AGAP1: variants seen among roughly 807,000 people sequenced by gnomAD.
AGAP1 encodes the protein ArfGAP with GTPase domain, ankyrin repeat and PH domain 1.
In AGAP1, 29 loss-of-function variants were observed where a neutral mutation model predicts 105.3. The ratio of observed to expected loss-of-function variants is 0.28; its 90% confidence interval spans 0.21 to 0.38. The LOEUF (loss-of-function observed/expected upper bound fraction) is 0.38, where lower values mean the gene tolerates loss of function less well. AGAP1 is among the 10% of genes least tolerant of loss of function. The probability of loss-of-function intolerance (pLI) is 1.00; values close to 1 mark genes in which losing one functional copy is unlikely to be tolerated. For missense variants in AGAP1, 998 were observed against 1,165.1 expected, an observed-to-expected ratio of 0.86 and a Z score of 2.09; for synonymous variants, 509 against 485.9, an observed-to-expected ratio of 1.05 and a Z score of -0.63.
chr2:236,118,472 C>T (rs530801199), intron 16 of AGAP1, among the ~76,000 whole-genome samples: 3 of 151,108 alleles, frequency 2.0e-5, no homozygotes, highest in Admixed American at 2.0e-4. Flanking sequence ...TCACTGCAAC[C>T]TCTGCCTCCC....
At chr2:235,886,408 G>C (rs942249347) in intron 10 of AGAP1, among the ~76,000 whole-genome samples, 2 of 152,244 alleles carry the variant, frequency 1.3e-5, no homozygotes, top group African/African-American at 4.8e-5. Flanking sequence ...ACAACGATAT[G>C]TATCAGAAGA....
intron 1 of AGAP1, among the ~76,000 whole-genome samples, chr2:235,572,005 T>TACACACACACACAC (rs1559257500): frequency 8.0e-5 from 6 of 75,262 alleles, no homozygotes; most frequent in African/African-American, 3.4e-4. Context: ...CACACACACT[T>TACACACACACACAC]TTTTTTTTTT....
intron 11 of AGAP1, among the ~76,000 whole-genome samples, chr2:235,922,981 A>T (rs1159111857): frequency 6.6e-6 from 1 of 152,220 alleles, no homozygotes; most frequent in Non-Finnish European, 1.5e-5. Context: ...AAGGCAGCTC[A>T]GTAAGCACAC....
chr2:235,717,212 A>G (rs935190213), intron 2 of AGAP1, among the ~76,000 whole-genome samples: 2 of 152,086 alleles, frequency 1.3e-5, no homozygotes, highest in Admixed American at 1.3e-4. Flanking sequence ...TGCTTTTCCC[A>G]GTCTCTGGAG....
chr2:235,498,739 C>T (rs182981553), intron 1 of AGAP1, among the ~76,000 whole-genome samples: 10 of 152,340 alleles, frequency 6.6e-5, no homozygotes, highest in Non-Finnish European at 1.3e-4. Context: ...CAGGTTCCCA[C>T]GCATCGCCGG....
chr2:235,751,725 C>G lies in AGAP1; in HGVS notation c.673+1237C>G, dbSNP rs1050833043. Among the ~76,000 whole-genome samples, 3 of 152,240 alleles carry G rather than the reference C, an allele frequency of 2.0e-5. No homozygotes were observed. The highest frequency in any genetic ancestry group is 7.2e-5 in the African/African-American group (3 of 41,464). On this transcript the variant is annotated intron_variant, in intron 6 of 17. Transcript: ENST00000304032. This position sits in a 1 kb window ranked among gnomAD's most constrained non-coding sequence, Gnocchi z 5.3. ...TCTAAGCCTGCCGTCTCTTCCCGCG[C>G]ATCTCTGCCTCTCAGATACTTACCT...
intron 9 of AGAP1, among the ~76,000 whole-genome samples, chr2:235,853,419 G>C (rs1339493737): frequency 1.3e-5 from 2 of 152,198 alleles, no homozygotes; most frequent in Non-Finnish European, 2.9e-5. Context: ...TTAACCCCCA[G>C]GCAGGTACAG....
chr2:235,761,229 C>G (rs1954411704), intron 6 of AGAP1, among the ~76,000 whole-genome samples: 1 of 152,170 alleles, frequency 6.6e-6, no homozygotes, highest in Non-Finnish European at 1.5e-5. Context: ...AGCCTGTGAT[C>G]TCTTCTGGCA....
intron 16 of AGAP1, among the ~76,000 whole-genome samples, chr2:236,118,334 A>G (rs540534688): frequency 2.7e-5 from 4 of 149,344 alleles, no homozygotes; most frequent in South Asian, 2.1e-4. Flanking sequence ...TAAAGTCTCT[A>G]TGGGTAACTG....
intron 6 of AGAP1, among the ~76,000 whole-genome samples, chr2:235,766,960 C>G (rs1955010486): frequency 7.1e-6 from 1 of 140,698 alleles, no homozygotes; most frequent in Admixed American, 7.9e-5. Context: ...TTTGCCCAGG[C>G]TGGAGTTCAG....
chr2:235,538,288 G>C (rs1301957883), intron 1 of AGAP1, among the ~76,000 whole-genome samples: 1 of 152,166 alleles, frequency 6.6e-6, no homozygotes, highest in Non-Finnish European at 1.5e-5. Context: ...TTGTGTCTGT[G>C]GGGCTGCTGA....
At chr2:235,670,907 G>C in intron 1 of AGAP1, 1 of 1,342,340 alleles carries the variant, frequency 7.4e-7, no homozygotes, top group Non-Finnish European at 9.5e-7. Context: ...CTTCTTCAGC[G>C]GCATCTTCGC....
At chr2:235,809,278 T>TA (rs1429516561) in intron 9 of AGAP1, among the ~76,000 whole-genome samples, 2 of 152,126 alleles carry the variant, frequency 1.3e-5, no homozygotes, top group African/African-American at 4.8e-5. Flanking sequence ...CCATCAAGCG[T>TA]AAAATGAGTA....
rs563919358 is a variant in AGAP1, at chr2:236,079,247, C to T, written c.2114+29966C>T. On this transcript the variant is annotated intron_variant, in intron 16 of 17. Coordinates refer to ENST00000304032, the MANE Select transcript of AGAP1 (RefSeq NM_001037131.3). ...TACTGTGACCCATGCTGGCCAGGCA[C>T]GGTGGCTTACACCTGTAATCCCAGC... 2.5e-4 allele frequency among the ~76,000 whole-genome samples: 37 copies of T among 145,910 alleles called. 2 individuals are homozygous for T. The South Asian group carries it at 4.6e-3, about 18-fold the overall frequency.
At chr2:235,812,749 T>G (rs913441995) in intron 9 of AGAP1, among the ~76,000 whole-genome samples, 1 of 152,220 alleles carries the variant, frequency 6.6e-6, no homozygotes, top group African/African-American at 2.4e-5. Context: ...GCGGCCTCTC[T>G]GCGTAGGCAG....
chr2:235,917,185 G>C (rs1176714192), intron 11 of AGAP1, among the ~76,000 whole-genome samples: 1 of 151,842 alleles, frequency 6.6e-6, no homozygotes, highest in African/African-American at 2.4e-5. Flanking sequence ...CCCTACTTGA[G>C]GCCCCCAGCG....
chr2:236,114,505 G>A lies in AGAP1; in HGVS notation c.2115-5687G>A, dbSNP rs36061101. Among the ~76,000 whole-genome samples the A allele has an allele frequency of 0.095, 14,475 of 152,216 alleles. 767 individuals carry two copies. The highest frequency in any genetic ancestry group is 0.17 in the Middle Eastern group (51 of 294). Reference sequence around the variant, plus strand: ...TATTACACTTGGGTGGCTTAAGTGCGGGACATTCACGTCTCACAGTTCTGG... The same window carrying A: ...TATTACACTTGGGTGGCTTAAGTGCAGGACATTCACGTCTCACAGTTCTGG... On this transcript the variant is annotated intron_variant, in intron 16 of 17. Transcript: ENST00000304032. The surrounding 1 kb of genome is among the most constrained non-coding windows in gnomAD (Gnocchi z 5.0).
Position 235,714,422 on chromosome 2 carries a change from C to G in AGAP1, c.223-3135C>G, listed in dbSNP as rs1226424910. Among the ~76,000 whole-genome samples, 1 of 151,954 alleles carries G rather than the reference C, an allele frequency of 6.6e-6. No homozygotes were observed. Among genetic ancestry groups the G allele is most frequent in the Non-Finnish European group, 1.5e-5 (1 of 68,008 alleles). On this transcript the variant is annotated intron_variant, in intron 2 of 17. Transcript: ENST00000304032. The surrounding 1 kb of genome is among the most constrained non-coding windows in gnomAD (Gnocchi z 4.1). ...GAAGGCTTGTCAGAGGAGGTGACAT[C>G]TGAACTGATAGTAAGAGTAGGTTTC...
chr2:235,515,136 A>C (rs1324173247), intron 1 of AGAP1, among the ~76,000 whole-genome samples: 1 of 152,182 alleles, frequency 6.6e-6, no homozygotes, highest in Non-Finnish European at 1.5e-5. Flanking sequence ...CAAGCTGGGC[A>C]CTGTGGTAAG....
Sources: gnomAD v4.1 joint callset for allele counts (sites outside exome capture counted in the v4.1 genomes callset) on GRCh38, gnomAD v4.1.1 for gene constraint, Gnocchi (gnomAD v3.1) non-coding constraint, MANE v1.5 for transcripts, NCBI Gene and HGNC (gene_info 2026-07-23, HGNC 2026-07-21) for gene names.